Variants in ATG7 observed in about 807,000 individuals in gnomAD.
ATG7 encodes the protein ubiquitin-like modifier-activating enzyme ATG7.
In ATG7, 70 loss-of-function variants were observed where a neutral mutation model predicts 82.4. The observed-to-expected ratio is 0.85, with a 90% CI of 0.70 to 1.04. The LOEUF is 1.04. ATG7 is among the 50% of genes least tolerant of loss of function. ATG7 has a pLI of 0.00. For synonymous variants in ATG7, 287 were observed against 313.0 expected (o/e 0.92, Z 0.88); for missense variants, 792 against 864.3 (o/e 0.92, Z 1.05).
chr3:11,469,432 A>G (rs2087178541), intron 20 of ATG7, among the ~76,000 whole-genome samples: 1 of 151,816 alleles, frequency 6.6e-6, no homozygotes, highest in Non-Finnish European at 1.5e-5. Context: ...CTGGGCAACA[A>G]GAGCAAAACT....
intron 12 of ATG7, among the ~76,000 whole-genome samples, chr3:11,340,975 C>T (rs1057309010): frequency 6.6e-6 from 1 of 152,200 alleles, no homozygotes; most frequent in African/African-American, 2.4e-5. Flanking sequence ...GTTTAAAGCT[C>T]ATGCTCTCAG....
intron 20 of ATG7, among the ~76,000 whole-genome samples, chr3:11,511,171 G>C (rs1206435602): frequency 6.6e-6 from 1 of 152,172 alleles, no homozygotes; most frequent in Non-Finnish European, 1.5e-5. Flanking sequence ...GCGTGGAAGG[G>C]GACCTGAGCG....
chr3:11,389,232 CAAAAAAAAAAAA>C lies in ATG7; in HGVS notation c.1956+9194_1956+9205del, dbSNP rs752930553. 3.5e-4 allele frequency among the ~76,000 whole-genome samples: 20 copies of C among 57,250 alleles called. 1 individual carries two copies. The highest frequency in any genetic ancestry group is 1.0e-3 in the Admixed American group (4 of 3,856). 37.6% of individuals were successfully genotyped at this position (57,250 alleles called of 152,430 possible). A position where few individuals can be genotyped will look rare whatever the true frequency, so the allele number is the denominator to read the frequency against. On this transcript the variant is annotated intron_variant, in intron 19 of 20. Coordinates refer to ENST00000693202, the MANE Select transcript of ATG7 (RefSeq NM_001349232.2). The stretch of plus-strand genomic sequence containing the variant: ...TGGGGAACAGAGAGAGACCCTGTCT[CAAAAAAAAAAAA>C]AAAAAAAAAAAAAGATGTGAAAGAA...
chr3:11,510,300 C>A (rs751852395), intron 20 of ATG7: 8 of 456,298 alleles, frequency 1.8e-5, no homozygotes, highest in African/African-American at 6.0e-5. Flanking sequence ...TCAAGCAGAA[C>A]AATTCCTTGC....
At chr3:11,564,695 T>G in the ATG7 span, 1 of 1,288,034 alleles carries the variant, frequency 7.8e-7, no homozygotes, top group South Asian at 1.3e-5. Flanking sequence ...ACCACCTCCC[T>G]CCCTCACCAC....
intron 20 of ATG7, among the ~76,000 whole-genome samples, chr3:11,446,280 C>T (rs964594185): frequency 1.3e-5 from 2 of 151,762 alleles, no homozygotes; most frequent in Non-Finnish European, 2.9e-5. Flanking sequence ...ATATCCATTT[C>T]AACATTCTGT....
chr3:11,531,220 G>T (rs147254830), intron 20 of ATG7, among the ~76,000 whole-genome samples: 76 of 152,168 alleles, frequency 5.0e-4, no homozygotes, highest in Non-Finnish European at 1.0e-3. Flanking sequence ...TAGAAGAAGG[G>T]GGGGCTGTGC....
At chr3:11,491,036 A>T (rs577522051) in intron 20 of ATG7, among the ~76,000 whole-genome samples, 13 of 152,230 alleles carry the variant, frequency 8.5e-5, no homozygotes, top group African/African-American at 3.1e-4. Context: ...TAGATTGGGG[A>T]ATTTCTCCTG....
rs144789183 is a variant in ATG7 at position 11,325,126 on chromosome 3, T to C, written c.679-6214T>C. Reference sequence around the variant, plus strand: ...AACAAGCTATACCAGGTAGCCCAGGTGTGGTGTAGTAGGCTATACAATCTA... The same window carrying C: ...AACAAGCTATACCAGGTAGCCCAGGCGTGGTGTAGTAGGCTATACAATCTA... On this transcript the variant is annotated intron_variant, in intron 9 of 20. Transcript: ENST00000693202. Among the ~76,000 whole-genome samples, 725 of 152,200 alleles carry C rather than the reference T, an allele frequency of 4.8e-3. 6 individuals are homozygous for C. The highest frequency in any genetic ancestry group is 0.017 in the African/African-American group (695 of 41,532).
chr3:11,518,330 A>T (rs1249541241), intron 20 of ATG7, among the ~76,000 whole-genome samples: 1 of 152,210 alleles, frequency 6.6e-6, no homozygotes, highest in Non-Finnish European at 1.5e-5. Context: ...GTGGATCACA[A>T]GGTCAAAGAG....
At chr3:11,335,121 C>CAAAGGACGAT (rs1952236602) in intron 11 of ATG7, among the ~76,000 whole-genome samples, 2 of 151,994 alleles carry the variant, frequency 1.3e-5, no homozygotes, top group African/African-American at 4.8e-5. Context: ...TCTGCTTGAT[C>CAAAGGACGAT]AAAGGACGAT....
chr3:11,404,986 A>G lies in ATG7; in HGVS notation c.1957-21818A>G, dbSNP rs534865297. ...AGCCAAATCATATCACATATTTTCTAGATTCTTAAGAATATGCTTCAGCTT... is the reference window on the plus strand; with the variant it reads ...AGCCAAATCATATCACATATTTTCTGGATTCTTAAGAATATGCTTCAGCTT... On this transcript the variant is annotated intron_variant, in intron 19 of 20. Transcript: ENST00000693202. Among the ~76,000 whole-genome samples the G allele has an allele frequency of 1.4e-4, 22 of 152,304 alleles. No individual in the cohort carries two copies. In the South Asian group the frequency reaches 3.3e-3, roughly 23 times the overall value.
chr3:11,417,637 G>C (rs1010851757), intron 19 of ATG7, among the ~76,000 whole-genome samples: 2 of 151,440 alleles, frequency 1.3e-5, no homozygotes, highest in African/African-American at 4.9e-5. Context: ...CCTTTTAATT[G>C]GTACATTCAG....
chr3:11,395,316 T>C (rs1219297734), intron 19 of ATG7, among the ~76,000 whole-genome samples: 1 of 152,180 alleles, frequency 6.6e-6, no homozygotes, highest in African/African-American at 2.4e-5. Flanking sequence ...AATGGTTCTA[T>C]AGCAACATTG....
At chr3:11,504,909 G>C (rs546755613) in intron 20 of ATG7, among the ~76,000 whole-genome samples, 1 of 152,298 alleles carries the variant, frequency 6.6e-6, no homozygotes, top group Admixed American at 6.5e-5. Flanking sequence ...GCAAGAGTTT[G>C]CCATGACAGG....
Position 11,461,890 on chromosome 3 carries a change from C to T in ATG7, c.2079+34964C>T, listed in dbSNP as rs375618427. On this transcript the variant is annotated intron_variant, in intron 20 of 20. Transcript: ENST00000693202. ...AAATACAAAAAAAAAATTAGCTGGG[C>T]GTGGTGGCGGGCGCCTGTAGTCCCA... Among the ~76,000 whole-genome samples, 34 of 151,838 alleles carry T rather than the reference C, an allele frequency of 2.2e-4. 1 individual carries two copies. In the South Asian group the frequency reaches 5.2e-3, roughly 23 times the overall value.
At chr3:11,473,247 T>A (rs926186567) in intron 20 of ATG7, among the ~76,000 whole-genome samples, 4 of 152,240 alleles carry the variant, frequency 2.6e-5, no homozygotes, top group African/African-American at 9.6e-5. Flanking sequence ...CCAGCATGTT[T>A]TTCCCTCCAG....
intron 19 of ATG7, among the ~76,000 whole-genome samples, chr3:11,410,564 C>T (rs931606817): frequency 6.6e-6 from 1 of 152,128 alleles, no homozygotes; most frequent in African/African-American, 2.4e-5. Context: ...AGAACTGAAA[C>T]TCTATAACCA....
chr3:11,510,034 T>C (rs1371708780), intron 20 of ATG7, among the ~76,000 whole-genome samples: 1 of 152,178 alleles, frequency 6.6e-6, no homozygotes, highest in Non-Finnish European at 1.5e-5. Context: ...TGGCTTCCCC[T>C]GTTTTCCTCC....
Sources: gnomAD v4.1 joint callset for allele counts (sites outside exome capture counted in the v4.1 genomes callset) on GRCh38, gnomAD v4.1.1 for gene constraint, MANE v1.5 for transcripts, NCBI Gene and HGNC (gene_info 2026-07-23, HGNC 2026-07-21) for gene names.